Variants in OFD1 observed in about 807,000 individuals in gnomAD.
OFD1 encodes the protein centriole and centriolar satellite protein OFD1.
Under a neutral mutation model 81.4 loss-of-function variants are expected in OFD1, and 12 were observed. The observed-to-expected ratio is 0.15, with a 90% CI of 0.09 to 0.24. The LOEUF is 0.24. Ranked by LOEUF, OFD1 falls within the 10% of genes least tolerant of loss-of-function variation. The probability of loss-of-function intolerance (pLI) is 1.00; values close to 1 mark genes in which losing one functional copy is unlikely to be tolerated. For synonymous variants in OFD1, 256 were observed against 263.7 expected (o/e 0.97, Z 0.28); for missense variants, 685 against 733.9 (o/e 0.93, Z 0.77).
chrX:13,723,428 A>G, the OFD1 span, among the ~76,000 whole-genome samples: 1 of 110,688 alleles, frequency 9.0e-6, no homozygotes, highest in East Asian at 2.9e-4. Context: ...TTGGCCTCCC[A>G]AAGTGCTGGG....
At chrX:13,763,712 T>G in intron 18 of OFD1, 33 bp from the exon 19 acceptor site, 1 of 1,096,103 alleles carries the variant, frequency 9.1e-7, no homozygotes, top group Non-Finnish European at 1.3e-6. Flanking sequence ...GTGTTATTAT[T>G]AAGGACTCAT....
intron 20 of OFD1, chrX:13,767,815 C>T: frequency 2.9e-6 from 1 of 350,258 alleles, no homozygotes; most frequent in Admixed American, 4.7e-5. Flanking sequence ...ATGAATGTTC[C>T]TTGGACTCTT....
the OFD1 span, among the ~76,000 whole-genome samples, chrX:13,729,282 C>T: frequency 8.9e-6 from 1 of 111,994 alleles, no homozygotes; most frequent in Non-Finnish European, 1.9e-5. Context: ...AAAGAGCCCA[C>T]ATTGCCAAGA....
At chrX:13,759,785 C>G (rs1167782994) in intron 15 of OFD1, among the ~76,000 whole-genome samples, 1 of 112,537 alleles carries the variant, frequency 8.9e-6, no homozygotes, top group Non-Finnish European at 1.9e-5. Context: ...TCAGGTCAAA[C>G]TTTTCAACCA....
intron 17 of OFD1, among the ~76,000 whole-genome samples, chrX:13,761,466 A>G (rs2047928918): frequency 1.8e-5 from 2 of 111,817 alleles, no homozygotes; most frequent in South Asian, 3.7e-4. Flanking sequence ...GGACCATGCA[A>G]TCTGGTATTA....
chrX:13,739,295 G>GAA, intron 5 of OFD1: 90 of 172,436 alleles, frequency 5.2e-4, no homozygotes, highest in Admixed American at 1.1e-3. Flanking sequence ...GAATATTTCT[G>GAA]CAAAAAAAAA....
intron 17 of OFD1, among the ~76,000 whole-genome samples, chrX:13,761,977 C>T (rs1022065447): frequency 1.0e-5 from 1 of 95,554 alleles, no homozygotes; most frequent in Non-Finnish European, 2.0e-5. Context: ...TGAGTTAGGG[C>T]GCTTTGCTCA....
downstream of OFD1, chrX:13,773,129 G>C: frequency 1.4e-6 from 1 of 692,210 alleles, no homozygotes; most frequent in Non-Finnish European, 2.2e-6. Flanking sequence ...AGGGGCGAAG[G>C]TTAATTCTGT....
chrX:13,734,158 G>A (rs2046750846), upstream of OFD1: 2 of 506,558 alleles, frequency 3.9e-6, no homozygotes, highest in Non-Finnish European at 7.1e-6. Flanking sequence ...GACATCTTTG[G>A]TTGTCACACT....
upstream of OFD1, among the ~76,000 whole-genome samples, chrX:13,732,299 C>T (rs980112573): frequency 1.8e-5 from 2 of 111,928 alleles, no homozygotes; most frequent in African/African-American, 3.3e-5. Context: ...ACAAGAGCAA[C>T]TGAAGTAACA....
chrX:13,764,961 C>T (rs952769445), intron 19 of OFD1, among the ~76,000 whole-genome samples: 1 of 111,344 alleles, frequency 9.0e-6, no homozygotes, highest in African/African-American at 3.3e-5. Context: ...GGGGCCGTGG[C>T]CACAAGAGGG....
chrX:13,772,107 C>T (rs747245597), downstream of OFD1: 7 of 112,097 alleles, frequency 6.2e-5, no homozygotes, highest in South Asian at 3.7e-4. Flanking sequence ...AAATTTAAAG[C>T]AAATACTCAT....
At chrX:13,761,259 T>C (rs376815665) in intron 17 of OFD1, 48 bp downstream of exon 17, 9 of 1,174,889 alleles carry the variant, frequency 7.7e-6, no homozygotes. Flanking sequence ...TAATGTTACT[T>C]GCTCTGTCAG....
At chrX:13,719,135 C>T in the OFD1 span, among the ~76,000 whole-genome samples, 5 of 110,430 alleles carry the variant, frequency 4.5e-5, no homozygotes, top group East Asian at 2.8e-4. Flanking sequence ...CCAGTCTGGG[C>T]GACAGAGCAA....
chrX:13,773,117 AAAGGGGCGAAGG>A (rs1485303221), downstream of OFD1: 1 of 826,970 alleles, frequency 1.2e-6, no homozygotes, highest in Non-Finnish European at 1.8e-6. Context: ...ACTTGACTTT[AAAGGGGCGAAGG>A]TTAATTCTGT....
Position 13,763,743 on chromosome X carries a change from A to C in OFD1, c.2489-2A>C, listed in dbSNP as rs2048022629. 3.3e-6 allele frequency: 4 copies of C among 1,202,740 alleles called. No individual in the cohort carries two copies. The highest frequency in any genetic ancestry group is 1.7e-5 in the African/African-American group (1 of 57,627). ...CTCATGGGACAATTGTGCCTCATGC[A>C]GCTGCAGGGAACATGCCAAGGCAGT... On this transcript the variant is annotated splice_acceptor_variant, in intron 18 of 22. Coordinates refer to ENST00000340096, the MANE Select transcript of OFD1 (RefSeq NM_003611.3). LOFTEE classifies it high-confidence loss of function.
the OFD1 span, chrX:13,721,743 C>T: frequency 1.1e-5 from 1 of 94,724 alleles, no homozygotes; most frequent in Non-Finnish European, 2.0e-5. Context: ...GAACTCCTGG[C>T]ATGATGACGT....
chrX:13,727,738 A>C, the OFD1 span, among the ~76,000 whole-genome samples: 2 of 112,219 alleles, frequency 1.8e-5, no homozygotes, highest in South Asian at 7.3e-4. Flanking sequence ...AAGACAAGAA[A>C]TAACTAAGAT....
At chrX:13,733,634 A>G (rs1303027666), upstream of OFD1, among the ~76,000 whole-genome samples, 1 of 112,262 alleles carries the variant, frequency 8.9e-6, no homozygotes, top group East Asian at 2.8e-4. Context: ...GCTGTACACA[A>G]AGCTGACATC....
Sources: allele counts gnomAD v4.1 joint callset (sites outside exome capture counted in the v4.1 genomes callset), GRCh38; gene constraint gnomAD v4.1.1; transcripts MANE v1.5; gene names NCBI Gene and HGNC (gene_info 2026-07-23, HGNC 2026-07-21).